Variants in SH3GL3 observed in about 807,000 individuals in gnomAD.
SH3GL3 encodes endophilin-A3.
Under a neutral mutation model 47.7 loss-of-function variants are expected in SH3GL3, and 33 were observed. The observed-to-expected ratio is 0.69, with a 90% CI of 0.52 to 0.92. The LOEUF (loss-of-function observed/expected upper bound fraction) is 0.92, where lower values mean the gene tolerates loss of function less well. Ranked by LOEUF, SH3GL3 falls within the 40% of genes least tolerant of loss-of-function variation. The pLI is 0.00. For missense variants in SH3GL3, 363 were observed against 417.8 expected, an observed-to-expected ratio of 0.87 and a Z score of 1.14; for synonymous variants, 155 against 148.8, an observed-to-expected ratio of 1.04 and a Z score of -0.30.
chr15:83,469,607 G>C (rs576264524), intron 1 of SH3GL3, among the ~76,000 whole-genome samples: 1 of 151,906 alleles, frequency 6.6e-6, no homozygotes, highest in South Asian at 2.1e-4. Context: ...TGTTTTTTTA[G>C]TTTCCAAGTG....
intron 1 of SH3GL3, among the ~76,000 whole-genome samples, chr15:83,519,224 A>T (rs567654995): frequency 1.3e-5 from 2 of 152,300 alleles, no homozygotes; most frequent in East Asian, 1.9e-4. Flanking sequence ...TGCTAGTTTG[A>T]TAAGGATGGT....
intron 1 of SH3GL3, among the ~76,000 whole-genome samples, chr15:83,537,268 G>A (rs1273973650): frequency 2.0e-5 from 3 of 152,132 alleles, no homozygotes; most frequent in Non-Finnish European, 2.9e-5. Context: ...TCCACTTTGG[G>A]GCCATCAGCA....
chr15:83,495,966 C>T lies in SH3GL3; in HGVS notation c.45+48388C>T, dbSNP rs564744060. 4.8e-5 allele frequency among the ~76,000 whole-genome samples: 7 copies of T among 146,842 alleles called. No individual in the cohort carries two copies. In the South Asian group the frequency reaches 1.6e-3, roughly 33 times the overall value. Reference sequence around the variant, plus strand: ...TGATACATAGTCATTAGAGAAAACCCTTGTTAAAAAAAAAAGGAGCGGGGA... The same window carrying T: ...TGATACATAGTCATTAGAGAAAACCTTTGTTAAAAAAAAAAGGAGCGGGGA... On this transcript the variant is annotated intron_variant, in intron 1 of 8. Coordinates refer to ENST00000427482, the MANE Select transcript of SH3GL3 (RefSeq NM_003027.5).
At chr15:83,560,648 A>G (rs1380260107) in intron 2 of SH3GL3, among the ~76,000 whole-genome samples, 1 of 152,214 alleles carries the variant, frequency 6.6e-6, no homozygotes, top group Non-Finnish European at 1.5e-5. Context: ...CAGAAGAAAT[A>G]TAAAGTCTAT....
chr15:83,612,998 C>T (rs2060712076), intron 8 of SH3GL3, among the ~76,000 whole-genome samples: 1 of 152,218 alleles, frequency 6.6e-6, no homozygotes, highest in Non-Finnish European at 1.5e-5. Context: ...TTGTTCATGT[C>T]TGGGTTCCAC....
intron 1 of SH3GL3, among the ~76,000 whole-genome samples, chr15:83,555,253 G>A (rs377191817): frequency 6.6e-6 from 1 of 151,866 alleles, no homozygotes; most frequent in East Asian, 1.9e-4. Flanking sequence ...ATAATTGTTT[G>A]CTCTTCATTA....
chr15:83,456,196 C>G (rs1034532647), intron 1 of SH3GL3, among the ~76,000 whole-genome samples: 3 of 47,692 alleles, frequency 6.3e-5, no homozygotes, highest in African/African-American at 2.2e-4. Flanking sequence ...GCTGGGAGAA[C>G]CACTGCTCTC....
intron 2 of SH3GL3, among the ~76,000 whole-genome samples, chr15:83,564,581 G>C (rs1277845830): frequency 6.6e-6 from 1 of 152,156 alleles, no homozygotes; most frequent in Non-Finnish European, 1.5e-5. Context: ...AACCAGAAAG[G>C]GTTAACTTTC....
At chr15:83,607,568 G>A (rs1000012698) in intron 8 of SH3GL3, among the ~76,000 whole-genome samples, 1 of 152,176 alleles carries the variant, frequency 6.6e-6, no homozygotes, top group African/African-American at 2.4e-5. Flanking sequence ...CTTTCTGAAG[G>A]GGGTGGCCGA....
intron 1 of SH3GL3, among the ~76,000 whole-genome samples, chr15:83,466,442 G>C (rs902640095): frequency 1.3e-5 from 2 of 149,118 alleles, no homozygotes; most frequent in African/African-American, 4.9e-5. Flanking sequence ...GGAAAGGCAT[G>C]CTAGGCTAAG....
At chr15:83,547,492 T>C (rs2044461534) in intron 1 of SH3GL3, among the ~76,000 whole-genome samples, 1 of 152,202 alleles carries the variant, frequency 6.6e-6, no homozygotes, top group Non-Finnish European at 1.5e-5. Context: ...ATTCCTATCC[T>C]CTTCAGTGCC....
intron 1 of SH3GL3, among the ~76,000 whole-genome samples, chr15:83,516,593 G>A (rs1048143436): frequency 6.6e-6 from 1 of 152,100 alleles, no homozygotes; most frequent in African/African-American, 2.4e-5. Flanking sequence ...GGAGCAGCAG[G>A]CACGTCACAT....
intron 1 of SH3GL3, among the ~76,000 whole-genome samples, chr15:83,542,551 T>C (rs2044214640): frequency 6.6e-6 from 1 of 152,168 alleles, no homozygotes; most frequent in Admixed American, 6.5e-5. Context: ...AGTTTGTAGG[T>C]TGCTTTAGTA....
chr15:83,447,442 G>C lies in SH3GL3; in HGVS notation c.-92G>C, dbSNP rs1378973137. The C allele has an allele frequency of 1.8e-6, 2 of 1,140,478 alleles. No homozygotes were observed. The highest frequency in any genetic ancestry group is 8.3e-5 in the Admixed American group (2 of 24,020). The allele number at this position is 1,140,478 out of a possible 1,614,324, so 70.6% of individuals were successfully genotyped here. ...GCCCGGCGGAGCCCAGCCGCGGGGGGACCGGCCCGGGCTCCCGCTCCCCGA... is the reference window on the plus strand; with the variant it reads ...GCCCGGCGGAGCCCAGCCGCGGGGGCACCGGCCCGGGCTCCCGCTCCCCGA... On this transcript the variant is annotated 5_prime_UTR_variant, in exon 1 of 9. Coordinates refer to ENST00000427482, the MANE Select transcript of SH3GL3 (RefSeq NM_003027.5). This position sits in a 1 kb window ranked among gnomAD's most constrained non-coding sequence, Gnocchi z 5.1.
rs543353760 is a variant in SH3GL3, at chr15:83,473,633, C to T, written c.45+26055C>T. Among the ~76,000 whole-genome samples the T allele has an allele frequency of 5.9e-5, 9 of 151,742 alleles. No homozygotes were observed. In the South Asian group the frequency reaches 8.3e-4, roughly 14 times the overall value. The stretch of plus-strand genomic sequence containing the variant: ...CACGATCTTGGCTCACCACAAGCTC[C>T]GCCTTCTGGGTTCACGCCATTCTCC... On this transcript the variant is annotated intron_variant, in intron 1 of 8. Coordinates refer to ENST00000427482, the MANE Select transcript of SH3GL3 (RefSeq NM_003027.5).
At chr15:83,462,387 G>T (rs1044825034) in intron 1 of SH3GL3, among the ~76,000 whole-genome samples, 5 of 152,186 alleles carry the variant, frequency 3.3e-5, no homozygotes, top group Admixed American at 3.3e-4. Context: ...AACAAAAGCT[G>T]ATCTAAGAAA....
the SH3GL3 span, among the ~76,000 whole-genome samples, chr15:83,624,425 G>A: frequency 3.3e-5 from 5 of 152,174 alleles, no homozygotes; most frequent in Admixed American, 6.5e-5. Context: ...AGGTGAAAGC[G>A]CAAAGAGCAG....
intron 1 of SH3GL3, among the ~76,000 whole-genome samples, chr15:83,496,768 A>G (rs531912100): frequency 5.9e-5 from 9 of 152,272 alleles, no homozygotes; most frequent in African/African-American, 1.7e-4. Flanking sequence ...ACTGTGGACT[A>G]TTGTGAGCTT....
intron 1 of SH3GL3, among the ~76,000 whole-genome samples, chr15:83,543,161 C>A (rs1444359591): frequency 2.0e-5 from 3 of 151,904 alleles, no homozygotes; most frequent in Non-Finnish European, 2.9e-5. Flanking sequence ...CTTCAATATC[C>A]AGTTTTTTTA....
Sources: gnomAD v4.1 joint callset for allele counts (sites outside exome capture counted in the v4.1 genomes callset) on GRCh38, gnomAD v4.1.1 for gene constraint, Gnocchi (gnomAD v3.1) non-coding constraint, MANE v1.5 for transcripts, NCBI Gene and HGNC (gene_info 2026-07-23, HGNC 2026-07-21) for gene names.